The following NTSR1 variants were observed in gnomAD, a reference collection of about 807,000 sequenced individuals.
NTSR1 encodes the protein neurotensin receptor type 1.
Under a neutral mutation model 31.2 loss-of-function variants are expected in NTSR1, and 29 were observed. The observed-to-expected ratio is 0.93, with a 90% confidence interval of 0.69 to 1.27. The LOEUF is 1.27. NTSR1 is among the 50% of genes most tolerant of loss of function. The pLI is 0.00. For missense variants in NTSR1, 697 were observed against 595.4 expected, an observed-to-expected ratio of 1.17 and a Z score of -1.78; for synonymous variants, 282 against 269.9, an observed-to-expected ratio of 1.04 and a Z score of -0.44.
Position 62,754,878 on chromosome 20 carries a change from G to A in NTSR1, c.908G>A (p.Arg303His), listed in dbSNP as rs772996912. ...GTCCAGGCCCTGCGGCACGGCGTGC[G>A]CGTCCTACGTACGTAACCTCTGGGC... ...GRVQALRHGVRVLRAVVIAFV... is the reference protein window; with the variant it reads ...GRVQALRHGVHVLRAVVIAFV... Residue 303 changes from arginine to histidine, a missense_variant, in exon 2 of 4, where the codon CGC becomes CAC. By Grantham distance (29) the Arg-to-His change is conservative. Coordinates refer to ENST00000370501, the MANE Select transcript of NTSR1 (RefSeq NM_002531.3). 1.5e-5 allele frequency: 24 copies of A among 1,598,700 alleles called. No homozygotes were observed. The highest frequency in any genetic ancestry group is 4.0e-5 in the African/African-American group (3 of 74,786).
chr20:62,724,282 C>T (rs903856457), intron 1 of NTSR1, among the ~76,000 whole-genome samples: 18 of 152,164 alleles, frequency 1.2e-4, no homozygotes, highest in African/African-American at 2.4e-4. Context: ...GAGGCCCAGA[C>T]GGTTAGGGAC....
intron 1 of NTSR1, among the ~76,000 whole-genome samples, chr20:62,729,450 T>G (rs187432449): frequency 1.3e-5 from 2 of 151,732 alleles, no homozygotes; most frequent in African/African-American, 4.8e-5. Context: ...GGATGGAGGG[T>G]GGGCCCTCAG....
chr20:62,762,564 C>T lies in NTSR1; in HGVS notation c.*2297C>T, dbSNP rs1989645122. The T allele has an allele frequency of 6.6e-6, 1 of 152,168 alleles. No homozygotes were observed. Among genetic ancestry groups the T allele is most frequent in the Admixed American group, 6.5e-5 (1 of 15,282 alleles). The allele number at this position is 152,168 out of a possible 1,614,324, so 9.4% of individuals were successfully genotyped here. A position where few individuals can be genotyped will look rare whatever the true frequency, so the allele number is the denominator to read the frequency against. Reference sequence around the variant, plus strand: ...ACGACACCTGATCTCGTATCACTAGCTTGCGGCCAGGTCATGATGTGGCCC... The same window carrying T: ...ACGACACCTGATCTCGTATCACTAGTTTGCGGCCAGGTCATGATGTGGCCC... On this transcript the variant is annotated 3_prime_UTR_variant, in exon 4 of 4. Transcript: ENST00000370501.
intron 1 of NTSR1, among the ~76,000 whole-genome samples, chr20:62,728,595 G>T (rs1168443553): frequency 6.6e-6 from 1 of 152,208 alleles, no homozygotes; most frequent in Non-Finnish European, 1.5e-5. Flanking sequence ...TTCTCTGCCT[G>T]CCGGAGGCTG....
At chr20:62,721,946 T>C (rs1988832939) in intron 1 of NTSR1, among the ~76,000 whole-genome samples, 1 of 152,244 alleles carries the variant, frequency 6.6e-6, no homozygotes, top group Admixed American at 6.5e-5. Flanking sequence ...CATATCATGC[T>C]GATTTACACC....
Position 62,733,182 on chromosome 20 carries a change from T to G in NTSR1, c.715-21503T>G, listed in dbSNP as rs1460501858. 7.0e-6 allele frequency: 1 copy of G among 143,378 alleles called. No individual in the cohort carries two copies. Among genetic ancestry groups the G allele is most frequent in the Non-Finnish European group, 1.5e-5 (1 of 64,888 alleles). The allele number at this position is 143,378 out of a possible 1,614,324, so 8.9% of individuals were successfully genotyped here. A position where few individuals can be genotyped will look rare whatever the true frequency, so the allele number is the denominator to read the frequency against. ...GTGTAGACGTTCTTTCGGAAGAAGA[T>G]CTGTCAGAGAAAATGCAAGCTGATT... On this transcript the variant is annotated intron_variant, in intron 1 of 3. Coordinates refer to ENST00000370501, the MANE Select transcript of NTSR1 (RefSeq NM_002531.3). This position sits in a 1 kb window ranked among gnomAD's most constrained non-coding sequence, Gnocchi z 5.2.
At chr20:62,727,215 G>T (rs537792833) in intron 1 of NTSR1, among the ~76,000 whole-genome samples, 1 of 152,150 alleles carries the variant, frequency 6.6e-6, no homozygotes, top group East Asian at 1.9e-4. Flanking sequence ...ACCCTGAGCC[G>T]GGCTCCTGCA....
At chr20:62,740,732 T>TCACTG (rs1208511656) in intron 1 of NTSR1, among the ~76,000 whole-genome samples, 1 of 151,792 alleles carries the variant, frequency 6.6e-6, no homozygotes, top group African/African-American at 2.4e-5. Flanking sequence ...CACCCCTCAC[T>TCACTG]CACTGCTCTG....
rs1423777824 is a variant in NTSR1 at position 62,741,999 on chromosome 20, C to A, written c.715-12686C>A. Among the ~76,000 whole-genome samples, 1 of 149,400 alleles carries A rather than the reference C, an allele frequency of 6.7e-6. No homozygotes were observed. The highest frequency in any genetic ancestry group is 2.5e-5 in the African/African-American group (1 of 39,938). ...ACCTGTGTGCCTGAGGTGGTGCACA[C>A]AGAGTATGTGTAGACCCCAGGACAG... On this transcript the variant is annotated intron_variant, in intron 1 of 3. Coordinates refer to ENST00000370501, the MANE Select transcript of NTSR1 (RefSeq NM_002531.3). This position sits in a 1 kb window ranked among gnomAD's most constrained non-coding sequence, Gnocchi z 4.3.
At position 62,761,166 on chromosome 20, in the gene NTSR1, C is replaced by T. The variant is rs572628893; in HGVS notation, c.*899C>T. The T allele has an allele frequency of 2.8e-3, 426 of 152,420 alleles. 3 individuals are homozygous for T. Among genetic ancestry groups the T allele is most frequent in the Admixed American group, 4.6e-3 (71 of 15,304 alleles). 9.4% of individuals were successfully genotyped at this position (152,420 alleles called of 1,614,324 possible). ...CGTGGCCAGGATGGGGTGCGCATTC[C>T]GTGTGCTTTGCTTGTGGCTGTGCAG... is the stretch of plus-strand genomic sequence containing the variant. On this transcript the variant is annotated 3_prime_UTR_variant, in exon 4 of 4. Coordinates refer to ENST00000370501, the MANE Select transcript of NTSR1 (RefSeq NM_002531.3).
intron 1 of NTSR1, among the ~76,000 whole-genome samples, chr20:62,728,548 G>C (rs1218884091): frequency 3.9e-5 from 6 of 152,254 alleles, no homozygotes; most frequent in African/African-American, 1.4e-4. Flanking sequence ...TGGCAAGGCT[G>C]CTTCCATTTC....
At chr20:62,759,165 G>T (rs1440852326) in intron 3 of NTSR1, among the ~76,000 whole-genome samples, 2 of 152,210 alleles carry the variant, frequency 1.3e-5, no homozygotes, top group African/African-American at 4.8e-5. Flanking sequence ...CAGGGAGGGC[G>T]CACCTACGAC....
intron 1 of NTSR1, among the ~76,000 whole-genome samples, chr20:62,746,333 C>T (rs1243422612): frequency 6.6e-6 from 1 of 152,188 alleles, no homozygotes; most frequent in Non-Finnish European, 1.5e-5. Flanking sequence ...CTTCCCGGAA[C>T]CCCCAGCACT....
chr20:62,731,017 G>A (rs145833700), intron 1 of NTSR1, among the ~76,000 whole-genome samples: 1 of 152,242 alleles, frequency 6.6e-6, no homozygotes, highest in East Asian at 1.9e-4. Context: ...TTCCTAGGCT[G>A]TATCTTGTCT....
At position 62,760,305 on chromosome 20, in the gene NTSR1, C is replaced by G. The variant is rs771252845; in HGVS notation, c.*38C>G. 6.4e-7 allele frequency: 1 copy of G among 1,567,722 alleles called. No homozygotes were observed. The highest frequency in any genetic ancestry group is 1.2e-5 in the South Asian group (1 of 85,294). On this transcript the variant is annotated 3_prime_UTR_variant, in exon 4 of 4. Transcript: ENST00000370501. ...GGAACGTGTCCAGGAGGAGCCTGGC[C>G]ATGGGTCCTTGCCCCCGACAGACAG... is the stretch of plus-strand genomic sequence containing the variant.
rs897385690 is a variant in NTSR1, at chr20:62,711,516, C to T, written c.714+1595C>T. On this transcript the variant is annotated intron_variant, in intron 1 of 3. Coordinates refer to ENST00000370501, the MANE Select transcript of NTSR1 (RefSeq NM_002531.3). This position sits in a 1 kb window ranked among gnomAD's most constrained non-coding sequence, Gnocchi z 6.4. ...AGTGGAGGGGTCAGCGCTGTCACTG[C>T]CCACCCAGGAGATGCCCCCACTCAG... Among the ~76,000 whole-genome samples, 1 of 151,880 alleles carries T rather than the reference C, an allele frequency of 6.6e-6. No individual in the cohort carries two copies. The highest frequency in any genetic ancestry group is 6.6e-5 in the Admixed American group (1 of 15,260).
chr20:62,749,369 CA>C (rs565961791), intron 1 of NTSR1, among the ~76,000 whole-genome samples: 6 of 150,060 alleles, frequency 4.0e-5, no homozygotes, highest in East Asian at 3.9e-4. Context: ...TCACACCATG[CA>C]AAAAAAAATC....
intron 1 of NTSR1, among the ~76,000 whole-genome samples, chr20:62,710,203 CAT>C (rs1464106562): frequency 1.3e-5 from 2 of 152,230 alleles, no homozygotes; most frequent in East Asian, 1.9e-4. Flanking sequence ...CTAATGGAAA[CAT>C]GTGCGCTGGC....
At position 62,712,264 on chromosome 20, in the gene NTSR1, C is replaced by T. The variant is rs184397697; in HGVS notation, c.714+2343C>T. ...ATTGGCAGATCTGGGCAAACATCCA[C>T]GGTTTTCAGATGGTGATGTCTGGCT... On this transcript the variant is annotated intron_variant, in intron 1 of 3. Coordinates refer to ENST00000370501, the MANE Select transcript of NTSR1 (RefSeq NM_002531.3). 3.3e-3 allele frequency among the ~76,000 whole-genome samples: 498 copies of T among 152,346 alleles called. 1 individual carries two copies. Among genetic ancestry groups the T allele is most frequent in the Admixed American group, 4.2e-3 (65 of 15,310 alleles).
Sources: gnomAD v4.1 joint callset for allele counts (sites outside exome capture counted in the v4.1 genomes callset) on GRCh38, gnomAD v4.1.1 for gene constraint, Gnocchi (gnomAD v3.1) non-coding constraint, MANE v1.5 for transcripts, NCBI Gene and HGNC (gene_info 2026-07-23, HGNC 2026-07-21) for gene names.